ADGRD2: variants seen among roughly 807,000 people sequenced by gnomAD.
ADGRD2 encodes the protein G protein-coupled receptor PGR24.
In ADGRD2, 71 loss-of-function variants were observed where a neutral mutation model predicts 44.4. The ratio of observed to expected loss-of-function variants is 1.60; its 90% CI spans 1.32 to 1.95. The LOEUF (loss-of-function observed/expected upper bound fraction) is 1.95, where lower values mean the gene tolerates loss of function less well. Ranked by LOEUF, ADGRD2 falls within the 30% of genes most tolerant of loss-of-function variation. The pLI is 0.00. For synonymous variants in ADGRD2, 481 were observed against 224.8 expected (o/e 2.14, Z -10.19); for missense variants, 1,039 against 512.4 (o/e 2.03, Z -9.92).
rs530095157 is a variant in ADGRD2, at chr9:124,457,210, C to T, written c.1506-262C>T. The stretch of plus-strand genomic sequence containing the variant: ...GAAGCTTCAGGTACAAACACGTGTC[C>T]TTCGGGTACCCACCAGTTTCTGGTG... On this transcript the variant is annotated intron_variant, in intron 7 of 21. Coordinates refer to ENST00000334810, the Ensembl canonical transcript of ADGRD2. Among the ~76,000 whole-genome samples, 50 of 152,324 alleles carry T rather than the reference C, an allele frequency of 3.3e-4. 1 individual carries two copies. In the South Asian group the frequency reaches 8.5e-3, roughly 26 times the overall value.
exon 22 of ADGRD2, chr9:124,478,554 G>A (rs1460656906): frequency 6.6e-6 from 1 of 152,488 alleles, no homozygotes; most frequent in Non-Finnish European, 1.5e-5. Context: ...GCTCTGCCGT[G>A]TCTGGTAATA....
chr9:124,458,547 G>A, intron 9 of ADGRD2, 69 bp from the exon 13 acceptor site: 1 of 696,502 alleles, frequency 1.4e-6, no homozygotes, highest in Non-Finnish European at 2.7e-6. Context: ...AGGGGCCTGG[G>A]TGACATGCCG....
exon 3 of ADGRD2, chr9:124,453,565 G>C: frequency 2.9e-6 from 2 of 698,534 alleles, no homozygotes; most frequent in East Asian, 2.7e-5. Context: ...GCTGCACCGG[G>C]CACGGGCCTG....
At chr9:124,464,033 T>A in intron 10 of ADGRD2, among the ~76,000 whole-genome samples, 1 of 151,944 alleles carries the variant, frequency 6.6e-6, no homozygotes, top group East Asian at 1.9e-4. Flanking sequence ...AGAGATAGGA[T>A]CTCACTTTGT....
At chr9:124,462,025 GTGTGAGCCACGGTGCC>G (rs1831731195) in intron 10 of ADGRD2, among the ~76,000 whole-genome samples, 1 of 151,876 alleles carries the variant, frequency 6.6e-6, no homozygotes, top group South Asian at 2.1e-4. Context: ...GGGATTACAG[GTGTGAGCCACGGTGCC>G]TGGCCTAACT....
chr9:124,467,697 G>C (rs781725821), intron 11 of ADGRD2, 24 bp from the exon 15 acceptor site: 2 of 717,918 alleles, frequency 2.8e-6, no homozygotes, highest in Non-Finnish European at 5.2e-6. Flanking sequence ...GGTGCCAGGG[G>C]GGTTTCTCTG....
chr9:124,468,389 G>C, intron 13 of ADGRD2, 130 bp from the exon 17 acceptor site: 1 of 688,522 alleles, frequency 1.5e-6, no homozygotes, highest in East Asian at 2.7e-5. Context: ...CGGGGCCCAG[G>C]CTGCTACCCA....
exon 10 of ADGRD2, chr9:124,458,673 T>C (rs12347840): frequency 0.62 from 446,204 of 718,234 alleles, 139,846 homozygotes; most frequent in Middle Eastern, 0.73. Flanking sequence ...GGGACGTCAC[T>C]GGAGAGGTCA....
At chr9:124,469,291 G>A in exon 15 of ADGRD2, 2 of 718,104 alleles carry the variant, frequency 2.8e-6, no homozygotes, top group Non-Finnish European at 2.6e-6. Context: ...CCCGGACATT[G>A]CTGGCTCAAT....
exon 17 of ADGRD2, chr9:124,470,572 C>T (rs556060982): frequency 1.1e-5 from 8 of 709,436 alleles, no homozygotes; most frequent in Admixed American, 1.0e-4. Context: ...TGCACCTGAG[C>T]CCCGCCTGGG....
chr9:124,453,496 GC>G lies in ADGRD2; in HGVS notation c.746del (p.Leu250SerfsTer15). 1.4e-6 allele frequency: 1 copy of G among 701,856 alleles called. No individual in the cohort carries two copies. Among genetic ancestry groups the G allele is most frequent in the Non-Finnish European group, 2.6e-6 (1 of 381,316 alleles). 43.5% of individuals were successfully genotyped at this position (701,856 alleles called of 1,614,324 possible). A position where few individuals can be genotyped will look rare whatever the true frequency, so the allele number is the denominator to read the frequency against. On this transcript the variant is annotated frameshift_variant, in exon 3 of 22. Transcript: ENST00000334810. LOFTEE classifies it high-confidence loss of function. ...GGGCGGTGGCTTCTCGGTGCGTCACGCCCTCAGCGGCAACCTCACCGACTTC... is the reference window on the plus strand; with the variant it reads ...GGGCGGTGGCTTCTCGGTGCGTCACGCCTCAGCGGCAACCTCACCGACTTC...
chr9:124,471,522 G>A (rs1007964500), intron 17 of ADGRD2, among the ~76,000 whole-genome samples: 1 of 152,234 alleles, frequency 6.6e-6, no homozygotes, highest in Non-Finnish European at 1.5e-5. Flanking sequence ...CCCCAGGCCA[G>A]GCTCCTATTT....
At chr9:124,463,880 C>T (rs1831764134) in intron 10 of ADGRD2, among the ~76,000 whole-genome samples, 1 of 152,062 alleles carries the variant, frequency 6.6e-6, no homozygotes, top group Non-Finnish European at 1.5e-5. Context: ...CTCTGTTGCC[C>T]AGGCTGGAGT....
At chr9:124,470,561 G>C (rs1445046092) in exon 17 of ADGRD2, 2 of 710,060 alleles carry the variant, frequency 2.8e-6, no homozygotes, top group South Asian at 3.0e-5. Context: ...AGGCATCCTG[G>C]TGCACCTGAG....
chr9:124,457,367 C>G, intron 7 of ADGRD2, 105 bp from the exon 11 acceptor site: 2 of 474,046 alleles, frequency 4.2e-6, no homozygotes, highest in South Asian at 4.5e-5. Flanking sequence ...ATGGTGGCCT[C>G]CTAGGCCTAT....
In ADGRD2 at chr9:124,454,727, T is replaced by C. The variant is rs1370721119; in HGVS notation, c.1109-116T>C. 2 of 615,486 alleles carry C rather than the reference T, an allele frequency of 3.2e-6. No individual in the cohort carries two copies. Among genetic ancestry groups the C allele is most frequent in the Admixed American group, 2.6e-5 (1 of 37,890 alleles). The allele number at this position is 615,486 out of a possible 1,614,324, so 38.1% of individuals were successfully genotyped here. ...TCTGTAGCCCCTGAGAGTTGGCGGC[T>C]TGTGACAAGTTTAATGGGTGCCCAC... On this transcript the variant is annotated intron_variant, in intron 5 of 21. Transcript: ENST00000334810. This position sits in a 1 kb window ranked among gnomAD's most constrained non-coding sequence, Gnocchi z 4.5.
Position 124,454,909 on chromosome 9 carries a change from G to A in ADGRD2, c.1177G>A (p.Gly393Ser), listed in dbSNP as rs1831585079. 1.4e-6 allele frequency: 1 copy of A among 715,270 alleles called. No homozygotes were observed. The highest frequency in any genetic ancestry group is 1.7e-5 in the African/African-American group (1 of 57,282). The allele number at this position is 715,270 out of a possible 1,614,324, so 44.3% of individuals were successfully genotyped here. The change falls in exon 6 of 22, where the codon GGC (glycine) becomes AGC (serine). Residue 393 changes from glycine (G) to serine (S), a missense_variant. Coordinates refer to ENST00000334810, the Ensembl canonical transcript of ADGRD2. This position sits in a 1 kb window ranked among gnomAD's most constrained non-coding sequence, Gnocchi z 4.5. ...CCCAGCGGAGGCCTCCAGCTTCCTG[G>A]GCCTTCTGGAGCATGTCCTGGCGAT...
At chr9:124,476,263 C>T (rs1832047086) in intron 19 of ADGRD2, 94 bp from the exon 23 acceptor site, 7 of 620,190 alleles carry the variant, frequency 1.1e-5, no homozygotes, top group East Asian at 2.8e-5. Flanking sequence ...GGATTCTTAG[C>T]GTATTTGATC....
intron 12 of ADGRD2, 86 bp downstream of exon 15, chr9:124,467,910 T>A: frequency 1.4e-6 from 1 of 708,496 alleles, no homozygotes. Context: ...CGGGTGTCCA[T>A]CCTTGGTCCC....
Sources: gnomAD v4.1 joint callset for allele counts (sites outside exome capture counted in the v4.1 genomes callset) on GRCh38, gnomAD v4.1.1 for gene constraint, Gnocchi (gnomAD v3.1) non-coding constraint, MANE v1.5 for transcripts, NCBI Gene and HGNC (gene_info 2026-07-23, HGNC 2026-07-21) for gene names.